BICD1: variants seen among roughly 807,000 people sequenced by gnomAD.
BICD1 encodes the protein protein bicaudal D homolog 1.
A neutral mutation model predicts 92.5 loss-of-function variants in BICD1; 35 were observed. The observed-to-expected ratio is 0.38, with a 90% CI of 0.29 to 0.50. The LOEUF is 0.50. Ranked by LOEUF, BICD1 falls within the 20% of genes least tolerant of loss-of-function variation. The pLI, the probability that BICD1 is intolerant of heterozygous loss-of-function variation, is 0.93. For missense variants in BICD1, 950 were observed against 1,189.8 expected, an observed-to-expected ratio of 0.80 and a Z score of 2.97; for synonymous variants, 429 against 465.1, an observed-to-expected ratio of 0.92 and a Z score of 1.00.
Position 32,374,568 on chromosome 12 carries a change from C to CTTT in BICD1, c.2841-2958_2841-2956dup, listed in dbSNP as rs146526015. Among the ~76,000 whole-genome samples, 111 of 124,882 alleles carry CTTT rather than the reference C, an allele frequency of 8.9e-4. 5 individuals carry two copies. The East Asian group carries it at 0.013, about 14-fold the overall frequency. The allele number at this position is 124,882 out of a possible 152,430, so 81.9% of individuals were successfully genotyped here. On this transcript the variant is annotated intron_variant, in intron 9 of 9. Coordinates refer to ENST00000652176, the MANE Select transcript of BICD1 (RefSeq NM_001714.4). ...TTTTAAATATTTTCTTTTCTTTCTT[C>CTTT]TTTTTTTTTTTTTTTTGAGACGGAG...
intron 1 of BICD1, among the ~76,000 whole-genome samples, chr12:32,146,347 G>A (rs1041530889): frequency 3.3e-5 from 5 of 152,126 alleles, no homozygotes; most frequent in Non-Finnish European, 5.9e-5. Flanking sequence ...AGAGATCATG[G>A]GAGAAGAGAT....
At chr12:32,118,044 C>T (rs563721860) in intron 1 of BICD1, among the ~76,000 whole-genome samples, 53 of 91,378 alleles carry the variant, frequency 5.8e-4, no homozygotes, top group Non-Finnish European at 7.6e-4. Context: ...GCCATCGCAC[C>T]GGCCCGCTTA....
intron 1 of BICD1, among the ~76,000 whole-genome samples, chr12:32,124,879 T>C (rs1613650): frequency 0.29 from 43,992 of 151,934 alleles, 6,617 homozygotes; most frequent in Admixed American, 0.43. Context: ...AGCTGTGTTA[T>C]GGGGCTTGTC....
rs184784072 is a variant in BICD1 at position 32,203,561 on chromosome 12, T to C, written c.214-12686T>C. 2.6e-5 allele frequency among the ~76,000 whole-genome samples: 4 copies of C among 152,296 alleles called. No homozygotes were observed. In the East Asian group the frequency reaches 7.7e-4, roughly 29 times the overall value. Reference sequence around the variant, plus strand: ...AGTGGCCAACCCGGAGACTGATTCCTTGTCTATGAGGAACATCTGAACCCC... The same window carrying C: ...AGTGGCCAACCCGGAGACTGATTCCCTGTCTATGAGGAACATCTGAACCCC... On this transcript the variant is annotated intron_variant, in intron 1 of 9. Coordinates refer to ENST00000652176, the MANE Select transcript of BICD1 (RefSeq NM_001714.4).
intron 2 of BICD1, among the ~76,000 whole-genome samples, chr12:32,257,653 G>C (rs2632365): frequency 0.59 from 89,039 of 151,934 alleles, 26,339 homozygotes; most frequent in East Asian, 0.71. Context: ...CCCTAGAAAG[G>C]CTTGCACTTT....
chr12:32,365,581 G>A (rs1235686895), intron 8 of BICD1, among the ~76,000 whole-genome samples: 2 of 152,148 alleles, frequency 1.3e-5, no homozygotes, highest in African/African-American at 4.8e-5. Flanking sequence ...TACCTCCCTG[G>A]CAATGTAAGA....
intron 1 of BICD1, among the ~76,000 whole-genome samples, chr12:32,179,546 A>G (rs1291262782): frequency 6.6e-6 from 1 of 151,992 alleles, no homozygotes; most frequent in African/African-American, 2.4e-5. Context: ...GTGATAATTG[A>G]ATAGTAAAGG....
chr12:32,113,326 G>A (rs146407822), intron 1 of BICD1, among the ~76,000 whole-genome samples: 224 of 152,326 alleles, frequency 1.5e-3, no homozygotes, highest in Admixed American at 3.5e-3. Context: ...TATTTACAAA[G>A]GAAGGTATTA....
chr12:32,204,456 CA>C (rs1327283975), intron 1 of BICD1, among the ~76,000 whole-genome samples: 1 of 152,032 alleles, frequency 6.6e-6, no homozygotes, highest in African/African-American at 2.4e-5. Context: ...TACTGTTTCA[CA>C]CTCTCCGGGG....
chr12:32,159,760 T>G lies in BICD1; in HGVS notation c.213+52216T>G, dbSNP rs558735107. 2.0e-5 allele frequency among the ~76,000 whole-genome samples: 3 copies of G among 152,302 alleles called. No individual in the cohort carries two copies. The East Asian group carries it at 5.8e-4, about 29-fold the overall frequency. ...TCCTGAACTGGGGCTCTGGTTGGAT[T>G]CCCACCTGTTTACCTGGTGCCTTAA... is the stretch of plus-strand genomic sequence containing the variant. On this transcript the variant is annotated intron_variant, in intron 1 of 9. Transcript: ENST00000652176.
chr12:32,135,937 C>G (rs1464098613), intron 1 of BICD1, among the ~76,000 whole-genome samples: 1 of 152,096 alleles, frequency 6.6e-6, no homozygotes, highest in Non-Finnish European at 1.5e-5. Context: ...TAGCGCAGGA[C>G]TTGCATTCTC....
intron 8 of BICD1, among the ~76,000 whole-genome samples, chr12:32,367,342 G>A (rs919056025): frequency 1.3e-5 from 2 of 152,106 alleles, no homozygotes; most frequent in African/African-American, 2.4e-5. Flanking sequence ...TTTAGAATTG[G>A]AAGATCTTTC....
At chr12:32,267,660 G>A (rs911888186) in intron 2 of BICD1, among the ~76,000 whole-genome samples, 2 of 152,184 alleles carry the variant, frequency 1.3e-5, no homozygotes, top group African/African-American at 4.8e-5. Flanking sequence ...CTGCTGCAAA[G>A]TGATAAATAT....
intron 8 of BICD1, among the ~76,000 whole-genome samples, chr12:32,360,177 C>CA (rs200083582): frequency 0.08 from 10,677 of 133,654 alleles, 448 homozygotes; most frequent in Middle Eastern, 0.14. Context: ...GACTCCATCT[C>CA]AAAAAAAAAA....
Position 32,328,679 on chromosome 12 carries a change from A to G in BICD1, c.2100+124A>G. On this transcript the variant is annotated intron_variant, in intron 5 of 9. Coordinates refer to ENST00000652176, the MANE Select transcript of BICD1 (RefSeq NM_001714.4). The surrounding 1 kb of genome is among the most constrained non-coding windows in gnomAD (Gnocchi z 4.4). Reference sequence around the variant, plus strand: ...TCAGATTCTTGGTAAGTGGATAAATAAAACTGTCCCAGTGCCAGATCAGAA... The same window carrying G: ...TCAGATTCTTGGTAAGTGGATAAATGAAACTGTCCCAGTGCCAGATCAGAA... 1 of 1,307,996 alleles carries G rather than the reference A, an allele frequency of 7.6e-7. No individual in the cohort carries two copies. The highest frequency in any genetic ancestry group is 1.5e-5 in the South Asian group (1 of 65,822). The allele number at this position is 1,307,996 out of a possible 1,614,324, so 81.0% of individuals were successfully genotyped here. A position where few individuals can be genotyped will look rare whatever the true frequency, so the allele number is the denominator to read the frequency against.
rs773452780 is a variant in BICD1 at position 32,327,488 on chromosome 12, G to C, written c.1033G>C (p.Ala345Pro). The change falls in exon 5 of 10, where the codon GCC becomes CCC. Residue 345 changes from alanine to proline, a missense_variant. Ala to Pro is a conservative substitution (Grantham distance 27). Transcript: ENST00000652176. ...AGAGCGGGAAAAGGCCATTCTTTTG[G>C]CCAACCTACAGGAGTCACAGACACA... ...QVEREKAILL[A>P]NLQESQTQLE... 6 of 1,600,704 alleles carry C rather than the reference G, an allele frequency of 3.7e-6. No homozygotes were observed. Among genetic ancestry groups the C allele is most frequent in the Non-Finnish European group, 5.1e-6 (6 of 1,173,252 alleles).
chr12:32,346,956 T>TTC (rs1555171327), intron 8 of BICD1, among the ~76,000 whole-genome samples: 8 of 149,530 alleles, frequency 5.4e-5, no homozygotes, highest in Admixed American at 2.7e-4. Context: ...TTCTTTTCTT[T>TTC]TTTTTTTTTT....
At chr12:32,265,625 G>A (rs1946973018) in intron 2 of BICD1, among the ~76,000 whole-genome samples, 1 of 150,982 alleles carries the variant, frequency 6.6e-6, no homozygotes, top group South Asian at 2.1e-4. Flanking sequence ...GCTGAGGCAG[G>A]ATGATCAATC....
In BICD1 at chr12:32,377,938, TAAGAGA is replaced by T. The variant is rs1940042971; in HGVS notation, c.*312_*317del. ...GATGGCTGGCTTTACCTCGATAGCA[TAAGAGA>T]GACCTAAGACATGTAAAATACGTAT... On this transcript the variant is annotated 3_prime_UTR_variant, in exon 10 of 10. Transcript: ENST00000652176. 3.7e-5 allele frequency: 10 copies of T among 268,828 alleles called. No individual in the cohort carries two copies. Among genetic ancestry groups the T allele is most frequent in the Non-Finnish European group, 6.5e-5 (9 of 138,572 alleles). The allele number at this position is 268,828 out of a possible 1,614,324, so 16.7% of individuals were successfully genotyped here.
Sources: gnomAD v4.1 joint callset for allele counts (sites outside exome capture counted in the v4.1 genomes callset) on GRCh38, gnomAD v4.1.1 for gene constraint, Gnocchi (gnomAD v3.1) non-coding constraint, MANE v1.5 for transcripts, NCBI Gene and HGNC (gene_info 2026-07-23, HGNC 2026-07-21) for gene names.